Variants in KCNK6 observed in about 807,000 individuals in gnomAD.
KCNK6 encodes the protein potassium two pore domain channel subfamily K member 6.
A neutral mutation model predicts 21.9 loss-of-function variants in KCNK6; 20 were observed. That is an observed-to-expected ratio of 0.91 (90% CI 0.64 to 1.32). The LOEUF (loss-of-function observed/expected upper bound fraction) is 1.32. Ranked by LOEUF, KCNK6 falls within the 40% of genes most tolerant of loss-of-function variation. The pLI is 0.00. For missense variants in KCNK6, 415 were observed against 433.1 expected (o/e 0.96, Z 0.37); for synonymous variants, 210 against 218.0 (o/e 0.96, Z 0.32).
At position 38,326,776 on chromosome 19, in the gene KCNK6, C is replaced by T. The variant is rs759005709; in HGVS notation, c.506C>T (p.Ala169Val). Residue 169 changes from alanine (A) to valine (V), a missense_variant, in exon 2 of 3, where the codon GCC becomes GTC. Ala to Val is a moderately conservative substitution (Grantham distance 64). Transcript: ENST00000263372. ...TGGGGCTGGGACCCCCGGCGGGCGGCCTGCTGGCACTTGGTGGCCCTGTTG... is the reference window on the plus strand; with the variant it reads ...TGGGGCTGGGACCCCCGGCGGGCGGTCTGCTGGCACTTGGTGGCCCTGTTG... ...MRWGWDPRRA[A>V]CWHLVALLGV... 3 of 1,604,908 alleles carry T rather than the reference C, an allele frequency of 1.9e-6. No homozygotes were observed. The highest frequency in any genetic ancestry group is 2.5e-6 in the Non-Finnish European group (3 of 1,179,994).
At position 38,331,007 on chromosome 19, in the gene KCNK6, A is replaced by G. The variant is rs1279023001; in HGVS notation, c.*3604A>G. On this transcript the variant is annotated 3_prime_UTR_variant, in exon 3 of 3. Coordinates refer to ENST00000263372, the MANE Select transcript of KCNK6 (RefSeq NM_004823.3). ...GTTTCTCCTTCCAAATACCTCCAGGAAGAAAAGCAAGTCCTTTTTGGTCCA... is the reference window on the plus strand; with the variant it reads ...GTTTCTCCTTCCAAATACCTCCAGGGAGAAAAGCAAGTCCTTTTTGGTCCA... The G allele has an allele frequency of 1.3e-5, 2 of 152,218 alleles. No individual in the cohort carries two copies. The highest frequency in any genetic ancestry group is 2.9e-5 in the Non-Finnish European group (2 of 68,042). The allele number at this position is 152,218 out of a possible 1,614,324, so 9.4% of individuals were successfully genotyped here. A position where few individuals can be genotyped will look rare whatever the true frequency, so the allele number is the denominator to read the frequency against.
chr19:38,328,093 G>A lies in KCNK6; in HGVS notation c.*690G>A, dbSNP rs3786882. On this transcript the variant is annotated 3_prime_UTR_variant, in exon 3 of 3. Transcript: ENST00000263372. ...TGAAAGCACAGGCAGAGTGGTCAGG[G>A]CTGAAGTCGGAGAAGCATAGGGACT... 394 of 152,826 alleles carry A rather than the reference G, an allele frequency of 2.6e-3. 10 individuals carry two copies. The East Asian group carries it at 0.05, about 19-fold the overall frequency. The allele number at this position is 152,826 out of a possible 1,614,324, so 9.5% of individuals were successfully genotyped here. A position where few individuals can be genotyped will look rare whatever the true frequency, so the allele number is the denominator to read the frequency against.
At chr19:38,320,554 T>TC (rs984080910) in intron 1 of KCNK6, among the ~76,000 whole-genome samples, 4 of 151,662 alleles carry the variant, frequency 2.6e-5, no homozygotes, top group African/African-American at 7.2e-5. Flanking sequence ...GTCTTTTTTT[T>TC]TTTTCTTTTC....
In KCNK6 at chr19:38,326,581, T is replaced by A; in HGVS notation, c.323-12T>A. ...GAAAAAGATTTACCCTTTACTCTCT[T>A]TACTCCCCTAGGCTATGGGTACACA... On this transcript the variant is annotated splice_polypyrimidine_tract_variant and intron_variant, in intron 1 of 2. Coordinates refer to ENST00000263372, the MANE Select transcript of KCNK6 (RefSeq NM_004823.3). 1.3e-6 allele frequency: 2 copies of A among 1,593,088 alleles called. No homozygotes were observed. Among genetic ancestry groups the A allele is most frequent in the African/African-American group, 2.7e-5 (2 of 74,502 alleles).
chr19:38,327,183 A>G lies in KCNK6; in HGVS notation c.722A>G (p.Tyr241Cys). ...CGCCCCTTCTCCGCCTTTACAGTCTACCTCTTCCTGGGCCTGGTGGCCATG... is the reference window on the plus strand; with the variant it reads ...CGCCCCTTCTCCGCCTTTACAGTCTGCCTCTTCCTGGGCCTGGTGGCCATG... ...RALYKVLVTV[Y>C]LFLGLVAMVL... The change falls in exon 3 of 3, where the codon TAC (tyrosine) becomes TGC (cysteine). Residue 241 changes from tyrosine (Y) to cysteine (C), a missense_variant. By Grantham distance (194) the Tyr-to-Cys change is radical. Coordinates refer to ENST00000263372, the MANE Select transcript of KCNK6 (RefSeq NM_004823.3). The G allele has an allele frequency of 6.2e-7, 1 of 1,611,580 alleles. No individual in the cohort carries two copies. Among genetic ancestry groups the G allele is most frequent in the East Asian group, 2.2e-5 (1 of 44,874 alleles).
rs1274520113 is a variant in KCNK6 at position 38,320,190 on chromosome 19, T to TTCGGGGTCCGCCAACGCC, written c.245_262dup (p.Gly82_Ser87dup). 1.2e-5 allele frequency: 19 copies of TTCGGGGTCCGCCAACGCC among 1,601,484 alleles called. No individual in the cohort carries two copies. The highest frequency in any genetic ancestry group is 1.5e-5 in the Non-Finnish European group (18 of 1,179,530). On this transcript the variant is annotated inframe_insertion, in exon 1 of 3. Coordinates refer to ENST00000263372, the MANE Select transcript of KCNK6 (RefSeq NM_004823.3). ...TGGGGCGGGTCGTGCTTGCTAACGC[T>TTCGGGGTCCGCCAACGCC]TCGGGGTCCGCCAACGCCTCGGACC...
intron 1 of KCNK6, among the ~76,000 whole-genome samples, chr19:38,321,295 C>T (rs1969649223): frequency 6.6e-6 from 1 of 152,158 alleles, no homozygotes; most frequent in South Asian, 2.1e-4. Flanking sequence ...GTCTCCTGGC[C>T]CCATACTCCC....
chr19:38,322,325 C>T (rs1969660022), intron 1 of KCNK6, among the ~76,000 whole-genome samples: 1 of 152,162 alleles, frequency 6.6e-6, no homozygotes, highest in South Asian at 2.1e-4. Flanking sequence ...GAGGAGAGAC[C>T]ATTGCAAAGG....
At chr19:38,321,807 G>GGTCA (rs1943584857) in intron 1 of KCNK6, among the ~76,000 whole-genome samples, 1 of 152,192 alleles carries the variant, frequency 6.6e-6, no homozygotes, top group African/African-American at 2.4e-5. Flanking sequence ...AGCTTCCCTG[G>GGTCA]GTCATGTGCA....
At position 38,328,915 on chromosome 19, in the gene KCNK6, A is replaced by T. The variant is rs1969743357; in HGVS notation, c.*1512A>T. On this transcript the variant is annotated 3_prime_UTR_variant, in exon 3 of 3. Coordinates refer to ENST00000263372, the MANE Select transcript of KCNK6 (RefSeq NM_004823.3). ...AAGAAAGAAAGGGAAAGATGGAAGG[A>T]AGGAAGGAAAAAGAAAGAGAAAGAG... The T allele has an allele frequency of 6.6e-6, 1 of 151,684 alleles. No homozygotes were observed. Among genetic ancestry groups the T allele is most frequent in the Non-Finnish European group, 1.5e-5 (1 of 67,890 alleles). The allele number at this position is 151,684 out of a possible 1,614,324, so 9.4% of individuals were successfully genotyped here.
At position 38,327,185 on chromosome 19, in the gene KCNK6, C is replaced by G. The variant is rs1568366036; in HGVS notation, c.724C>G (p.Leu242Val). 1 of 1,612,126 alleles carries G rather than the reference C, an allele frequency of 6.2e-7. No individual in the cohort carries two copies. Among genetic ancestry groups the G allele is most frequent in the Middle Eastern group, 1.6e-4 (1 of 6,062 alleles). The change falls in exon 3 of 3, where the codon CTC becomes GTC. Residue 242 changes from leucine to valine, a missense_variant. Transcript: ENST00000263372. The part of the protein sequence containing the change: ...ALYKVLVTVY[L>V]FLGLVAMVLV... ...CCCCTTCTCCGCCTTTACAGTCTACCTCTTCCTGGGCCTGGTGGCCATGGT... is the reference window on the plus strand; with the variant it reads ...CCCCTTCTCCGCCTTTACAGTCTACGTCTTCCTGGGCCTGGTGGCCATGGT...
chr19:38,331,708 C>T lies in KCNK6; in HGVS notation c.*4305C>T, dbSNP rs1969769835. 6.6e-6 allele frequency: 1 copy of T among 152,102 alleles called. No individual in the cohort carries two copies. Among genetic ancestry groups the T allele is most frequent in the African/African-American group, 2.4e-5 (1 of 41,428 alleles). 9.4% of individuals were successfully genotyped at this position (152,102 alleles called of 1,614,324 possible). ...GTACGGTGGAAAGTAAGTCTTTCTC[C>T]TACACTCAGATCATGGATGGATGTC... On this transcript the variant is annotated 3_prime_UTR_variant, in exon 3 of 3. Transcript: ENST00000263372.
rs1008139893 is a variant in KCNK6 at position 38,320,038 on chromosome 19, G to A, written c.88G>A (p.Gly30Arg). Residue 30 changes from glycine (G) to arginine (R), a missense_variant, in exon 1 of 3, where the codon GGG becomes AGG. Physicochemically the swap from Gly to Arg is moderately radical, Grantham distance 125. Transcript: ENST00000263372. ...LGALLVARLE[G>R]PHEARLRAEL... is the part of the protein sequence containing the mutation. Reference sequence around the variant, plus strand: ...CGCGCTGTTGGTGGCGCGGCTGGAGGGGCCGCACGAAGCCAGGCTCCGAGC... The same window carrying A: ...CGCGCTGTTGGTGGCGCGGCTGGAGAGGCCGCACGAAGCCAGGCTCCGAGC... 6.7e-7 allele frequency: 1 copy of A among 1,500,798 alleles called. No individual in the cohort carries two copies. Among genetic ancestry groups the A allele is most frequent in the Non-Finnish European group, 8.8e-7 (1 of 1,133,648 alleles). The allele number at this position is 1,500,798 out of a possible 1,614,324, so 93.0% of individuals were successfully genotyped here. A position where few individuals can be genotyped will look rare whatever the true frequency, so the allele number is the denominator to read the frequency against.
At position 38,327,340 on chromosome 19, in the gene KCNK6, G is replaced by C. The variant is rs1969723708; in HGVS notation, c.879G>C (p.Gln293His). The change falls in exon 3 of 3, where the codon CAG (glutamine) becomes CAC (histidine). Residue 293 changes from glutamine to histidine, a missense_variant. By Grantham distance (24) the Gln-to-His change is conservative. Transcript: ENST00000263372. ...ATCGGGTGGACATCCTGGGCCCCCA[G>C]CCGGAGTCGCACCAGCAACTCTCTG... ...EDDRVDILGP[Q>H]PESHQQLSAS... 6.2e-7 allele frequency: 1 copy of C among 1,612,662 alleles called. No individual in the cohort carries two copies. Among genetic ancestry groups the C allele is most frequent in the Non-Finnish European group, 8.5e-7 (1 of 1,180,014 alleles).
intron 1 of KCNK6, among the ~76,000 whole-genome samples, chr19:38,326,169 G>A (rs115815649): frequency 0.015 from 2,341 of 152,330 alleles, 55 homozygotes; most frequent in African/African-American, 0.053. Context: ...GACAGGAGGG[G>A]ATGTGGGGAG....
Position 38,331,387 on chromosome 19 carries a change from A to C in KCNK6, c.*3984A>C, listed in dbSNP as rs532742029. 1 of 152,356 alleles carries C rather than the reference A, an allele frequency of 6.6e-6. No individual in the cohort carries two copies. The highest frequency in any genetic ancestry group is 2.4e-5 in the African/African-American group (1 of 41,406). The allele number at this position is 152,356 out of a possible 1,614,324, so 9.4% of individuals were successfully genotyped here. ...ACGCCTGTAATTCCAGTACTTTGGG[A>C]GGCCGAGGCGGGCGGATCACAAGGT... On this transcript the variant is annotated 3_prime_UTR_variant, in exon 3 of 3. Coordinates refer to ENST00000263372, the MANE Select transcript of KCNK6 (RefSeq NM_004823.3).
chr19:38,327,502 G>C lies in KCNK6; in HGVS notation c.*99G>C. ...ACAGGAATGTCCACGAGCACAGCAG[G>C]TGATCTTGAGGCCTTGCCGTCCACC... On this transcript the variant is annotated 3_prime_UTR_variant, in exon 3 of 3. Coordinates refer to ENST00000263372, the MANE Select transcript of KCNK6 (RefSeq NM_004823.3). The C allele has an allele frequency of 2.7e-6, 3 of 1,092,118 alleles. No individual in the cohort carries two copies. The highest frequency in any genetic ancestry group is 3.9e-6 in the Non-Finnish European group (3 of 761,008). 67.7% of individuals were successfully genotyped at this position (1,092,118 alleles called of 1,614,324 possible).
intron 1 of KCNK6, among the ~76,000 whole-genome samples, chr19:38,323,256 C>T (rs1445210544): frequency 2.0e-5 from 3 of 152,294 alleles, no homozygotes; most frequent in East Asian, 1.9e-4. Flanking sequence ...AGTCTTTGTC[C>T]GTGCGAAGCG....
In KCNK6 at chr19:38,330,730, A is replaced by G. The variant is rs571412927; in HGVS notation, c.*3327A>G. 3 of 152,338 alleles carry G rather than the reference A, an allele frequency of 2.0e-5. No homozygotes were observed. Among genetic ancestry groups the G allele is most frequent in the South Asian group, 2.1e-4 (1 of 4,830 alleles). 9.4% of individuals were successfully genotyped at this position (152,338 alleles called of 1,614,324 possible). On this transcript the variant is annotated 3_prime_UTR_variant, in exon 3 of 3. Transcript: ENST00000263372. ...TCCAAGCCCCTGATACATTCTCTACATTTTACAGATGGGGGAAGGAGGTCC... is the reference window on the plus strand; with the variant it reads ...TCCAAGCCCCTGATACATTCTCTACGTTTTACAGATGGGGGAAGGAGGTCC...
Sources: allele counts gnomAD v4.1 joint callset (sites outside exome capture counted in the v4.1 genomes callset), GRCh38; gene constraint gnomAD v4.1.1; transcripts MANE v1.5; gene names NCBI Gene and HGNC (gene_info 2026-07-23, HGNC 2026-07-21).